WNK1: variants seen among roughly 807,000 people sequenced by gnomAD.
The protein encoded by WNK1 is WNK lysine deficient protein kinase 1.
WNK1 carries 38 observed loss-of-function variants against 222.8 expected under a neutral mutation model. The ratio of observed to expected loss-of-function variants is 0.17; its 90% CI spans 0.13 to 0.22. WNK1 has a LOEUF of 0.22. Among genes scored for constraint, WNK1 ranks in the 10% least tolerant of loss-of-function variants. The pLI, the probability that WNK1 is intolerant of heterozygous loss-of-function variation, is 1.00. For synonymous variants in WNK1, 1,090 were observed against 1,092.9 expected (o/e 1.00, Z 0.05); for missense variants, 2,348 against 2,918.4 (o/e 0.80, Z 4.50).
chr12:791,504 T>G (rs930958798), intron 1 of WNK1, among the ~76,000 whole-genome samples: 1 of 152,062 alleles, frequency 6.6e-6, no homozygotes, highest in African/African-American at 2.4e-5. Context: ...AATAACATTC[T>G]CTTCTAGGTT....
rs562496374 is a variant in WNK1 at position 880,625 on chromosome 12, T to C, written c.2833-96T>C. ...GAGATTGGCTACTATTCTTCTTTGC[T>C]GTGTGCTTCTTTTTTTTTTTTTTGC... On this transcript the variant is annotated intron_variant, in intron 11 of 27. Transcript: ENST00000315939. 142 of 1,297,448 alleles carry C rather than the reference T, an allele frequency of 1.1e-4. 2 individuals carry two copies. The African/African-American group carries it at 1.6e-3, about 15-fold the overall frequency. The allele number at this position is 1,297,448 out of a possible 1,614,324, so 80.4% of individuals were successfully genotyped here.
intron 1 of WNK1, among the ~76,000 whole-genome samples, chr12:772,420 T>G (rs1485652402): frequency 1.4e-5 from 1 of 69,208 alleles, no homozygotes; most frequent in African/African-American, 4.0e-5. Context: ...TGTGTGTGTG[T>G]GTGTATGTAT....
chr12:768,520 A>G (rs1483252691), intron 1 of WNK1, among the ~76,000 whole-genome samples: 1 of 152,010 alleles, frequency 6.6e-6, no homozygotes, highest in Non-Finnish European at 1.5e-5. Context: ...TTTGCTAGTG[A>G]TCATCCTCTG....
intron 1 of WNK1, among the ~76,000 whole-genome samples, chr12:763,879 A>G (rs1281173955): frequency 6.8e-6 from 1 of 147,682 alleles, no homozygotes; most frequent in Admixed American, 6.7e-5. Flanking sequence ...ACTGAGAGAG[A>G]AAAATCAAAG....
In WNK1 at chr12:781,816, CT is replaced by C. The variant is rs567165988; in HGVS notation, c.759+27502del. On this transcript the variant is annotated intron_variant, in intron 1 of 27. Coordinates refer to ENST00000315939, the MANE Select transcript of WNK1 (RefSeq NM_018979.4). ...CTTTGTGTTCTAATGATTGAGATAA[CT>C]TTTTTTTTTGAGAACTTAAATTAAA... 2.1e-4 allele frequency among the ~76,000 whole-genome samples: 31 copies of C among 149,432 alleles called. No homozygotes were observed. In the South Asian group the frequency reaches 2.5e-3, roughly 12 times the overall value.
intron 8 of WNK1, among the ~76,000 whole-genome samples, chr12:871,027 G>T (rs1387533301): frequency 2.0e-5 from 3 of 152,182 alleles, no homozygotes; most frequent in Admixed American, 2.0e-4. Flanking sequence ...GACAGCTTAG[G>T]TTTTCACTGT....
At chr12:771,741 G>A (rs988912621) in intron 1 of WNK1, among the ~76,000 whole-genome samples, 2 of 152,062 alleles carry the variant, frequency 1.3e-5, no homozygotes, top group African/African-American at 4.8e-5. Flanking sequence ...AGCCTTAACT[G>A]CTTTATTTTA....
Position 827,394 on chromosome 12 carries a change from T to C in WNK1, c.1153+132T>C. 1 of 778,626 alleles carries C rather than the reference T, an allele frequency of 1.3e-6. No homozygotes were observed. 48.2% of individuals were successfully genotyped at this position (778,626 alleles called of 1,614,324 possible). The stretch of plus-strand genomic sequence containing the variant: ...TAGCTTGAACTCAGGAGGTGATCCA[T>C]TGTACTTATGAGATATAGGATTCTC... On this transcript the variant is annotated intron_variant, in intron 3 of 27. Transcript: ENST00000315939. The surrounding 1 kb of genome is among the most constrained non-coding windows in gnomAD (Gnocchi z 4.6).
At chr12:890,996 A>G (rs1954169878) in intron 22 of WNK1, among the ~76,000 whole-genome samples, 1 of 152,226 alleles carries the variant, frequency 6.6e-6, no homozygotes, top group South Asian at 2.1e-4. Context: ...AGAATGGTCT[A>G]GAAATGGAAA....
rs1183977237 is a variant in WNK1 at position 887,254 on chromosome 12, A to C, written c.5314A>C (p.Thr1772Pro). 10 of 1,614,104 alleles carry C rather than the reference A, an allele frequency of 6.2e-6. No individual in the cohort carries two copies. The highest frequency in any genetic ancestry group is 8.5e-6 in the Non-Finnish European group (10 of 1,180,008). The change falls in exon 20 of 28, where the codon ACT becomes CCT. Residue 1772 changes from threonine to proline, a missense_variant. Physicochemically the swap from Thr to Pro is conservative, Grantham distance 38. This residue lies in a region of WNK1 where 1,144 missense variants were observed against 1,273.6 expected (regional missense o/e 0.90). Transcript: ENST00000315939. ...AGTGGGTACTGAACTTCCAGCAGGTACTCTACCCAGCGAGCAGCTGCCACC... is the reference window on the plus strand; with the variant it reads ...AGTGGGTACTGAACTTCCAGCAGGTCCTCTACCCAGCGAGCAGCTGCCACC... ...LPVGTELPAGTLPSEQLPPFP... is the reference protein window; with the variant it reads ...LPVGTELPAGPLPSEQLPPFP...
intron 4 of WNK1, among the ~76,000 whole-genome samples, chr12:854,308 C>CA (rs1361764074): frequency 6.7e-6 from 1 of 150,336 alleles, no homozygotes; most frequent in Non-Finnish European, 1.5e-5. Flanking sequence ...GCCACAATCC[C>CA]ACCACTGCAC....
intron 20 of WNK1, 50 bp from the exon 21 acceptor site, chr12:889,090 G>C (rs777771926): frequency 2.7e-6 from 4 of 1,489,942 alleles, no homozygotes; most frequent in Non-Finnish European, 3.7e-6. Flanking sequence ...TATATATCGT[G>C]ACTCTGAAGG....
chr12:865,465 C>T (rs923073245), intron 8 of WNK1: 29 of 1,413,758 alleles, frequency 2.1e-5, no homozygotes, highest in Non-Finnish European at 2.5e-5. Flanking sequence ...CAGGACTAAA[C>T]TTGGTTATAT....
At chr12:846,827 A>G (rs767831846) in intron 4 of WNK1, among the ~76,000 whole-genome samples, 3 of 152,200 alleles carry the variant, frequency 2.0e-5, no homozygotes, top group Non-Finnish European at 4.4e-5. Context: ...GAAACAAGTG[A>G]GACTGATTCC....
At chr12:794,654 A>C (rs951440588) in intron 1 of WNK1, among the ~76,000 whole-genome samples, 1 of 152,202 alleles carries the variant, frequency 6.6e-6, no homozygotes, top group South Asian at 2.1e-4. Flanking sequence ...CCATGTGGCC[A>C]TGGGAAATAA....
At chr12:759,492 G>A (rs917886217) in intron 1 of WNK1, among the ~76,000 whole-genome samples, 2 of 146,600 alleles carry the variant, frequency 1.4e-5, no homozygotes, top group South Asian at 2.3e-4. Context: ...CACCACGCCC[G>A]GCTAATTTTT....
chr12:851,580 CTG>C (rs1214190735), intron 4 of WNK1: 3 of 1,196,386 alleles, frequency 2.5e-6, no homozygotes, highest in Admixed American at 3.3e-5. Flanking sequence ...AAACAAGAAA[CTG>C]TGTTTCAGTC....
chr12:858,792 G>C (rs1417379888), intron 5 of WNK1, among the ~76,000 whole-genome samples: 1 of 152,070 alleles, frequency 6.6e-6, no homozygotes, highest in East Asian at 1.9e-4. Flanking sequence ...TTGGGTGTTG[G>C]TCAGACAAGA....
In WNK1 at chr12:885,180, C is replaced by T. The variant is rs1425030937; in HGVS notation, c.4376C>T (p.Ser1459Phe). 1 of 1,614,096 alleles carries T rather than the reference C, an allele frequency of 6.2e-7. No homozygotes were observed. Among genetic ancestry groups the T allele is most frequent in the Non-Finnish European group, 8.5e-7 (1 of 1,180,036 alleles). ...PSVTVSATSA[S>F]AGGSTATPGP... ...GTAACAGTTTCAGCAACTTCAGCCT[C>T]TGCAGGGGGCAGTACTGCTACCCCA... The change falls in exon 19 of 28, where the codon TCT becomes TTT. Residue 1459 changes from serine (S) to phenylalanine (F), a missense_variant. By Grantham distance (155) the Ser-to-Phe change is radical. Around this residue, in one of 13 missense-constraint regions of WNK1, gnomAD observed 1,144 missense variants for 1,273.6 expected, o/e 0.90. Transcript: ENST00000315939.
Sources: allele counts gnomAD v4.1 joint callset (sites outside exome capture counted in the v4.1 genomes callset), GRCh38; gene constraint gnomAD v4.1.1; regional missense constraint gnomAD v4.1.1; non-coding constraint Gnocchi (gnomAD v3.1); transcripts MANE v1.5; gene names NCBI Gene and HGNC (gene_info 2026-07-23, HGNC 2026-07-21).